NARF: variants seen among roughly 807,000 people sequenced by gnomAD.
NARF encodes the protein nuclear prelamin A recognition factor, also known as iron-only hydrogenase-like protein 2.
Under a neutral mutation model 48.0 loss-of-function variants are expected in NARF, and 41 were observed. The observed-to-expected ratio is 0.85, with a 90% CI of 0.66 to 1.11. The LOEUF (loss-of-function observed/expected upper bound fraction) is 1.11, where lower values mean the gene tolerates loss of function less well. Among genes scored for constraint, NARF ranks in the 50% least tolerant of loss-of-function variants. NARF has a pLI of 0.00. For synonymous variants in NARF, 215 were observed against 225.5 expected (o/e 0.95, Z 0.42); for missense variants, 613 against 590.2 (o/e 1.04, Z -0.40).
intron 3 of NARF, among the ~76,000 whole-genome samples, chr17:82,465,963 C>T (rs889442064): frequency 2.0e-5 from 3 of 152,192 alleles, no homozygotes; most frequent in Non-Finnish European, 2.9e-5. Flanking sequence ...ACGGGAACTC[C>T]GTTAGCAAGC....
At chr17:82,487,195 C>T (rs542462162) in intron 10 of NARF, among the ~76,000 whole-genome samples, 1 of 152,226 alleles carries the variant, frequency 6.6e-6, no homozygotes, top group African/African-American at 2.4e-5. Context: ...GAATGAGAGG[C>T]ACACGGGTCC....
chr17:82,464,643 C>G (rs770989575), intron 3 of NARF, among the ~76,000 whole-genome samples: 1 of 152,222 alleles, frequency 6.6e-6, no homozygotes, highest in Non-Finnish European at 1.5e-5. Flanking sequence ...AATGCTCAGG[C>G]AGTGGTGGGG....
chr17:82,459,672 C>G (rs1347538341), intron 1 of NARF, among the ~76,000 whole-genome samples: 1 of 152,104 alleles, frequency 6.6e-6, no homozygotes, highest in Non-Finnish European at 1.5e-5. Flanking sequence ...CAGTTCAAGA[C>G]CATCGTGGCC....
intron 4 of NARF, among the ~76,000 whole-genome samples, chr17:82,471,661 G>A (rs2143876096): frequency 6.8e-6 from 1 of 147,880 alleles, no homozygotes; most frequent in Non-Finnish European, 1.5e-5. Flanking sequence ...GCGTGGTGGT[G>A]GGCGCCTGTA....
At chr17:82,465,507 A>T (rs1256411261) in intron 3 of NARF, among the ~76,000 whole-genome samples, 2 of 152,172 alleles carry the variant, frequency 1.3e-5, no homozygotes, top group Non-Finnish European at 2.9e-5. Context: ...GGGGACAGCC[A>T]AGGAGCCTTC....
upstream of NARF, chr17:82,458,735 A>G: frequency 2.1e-6 from 3 of 1,457,034 alleles, no homozygotes; most frequent in Non-Finnish European, 1.8e-6. Context: ...GGCGGCGGGC[A>G]GTGGTGTCCC....
chr17:82,470,806 T>C (rs972911590), intron 4 of NARF, among the ~76,000 whole-genome samples: 3 of 152,062 alleles, frequency 2.0e-5, no homozygotes, highest in Non-Finnish European at 4.4e-5. Context: ...ATATTTATTA[T>C]AGCTAGTTGC....
chr17:82,478,440 G>A (rs1371880298), intron 5 of NARF: 3 of 378,342 alleles, frequency 7.9e-6, no homozygotes, highest in Admixed American at 6.2e-5. Flanking sequence ...CTGTAAGGAC[G>A]CTGTAGCTGG....
chr17:82,459,703 C>T (rs1019859159), intron 1 of NARF, among the ~76,000 whole-genome samples: 25 of 152,022 alleles, frequency 1.6e-4, no homozygotes, highest in Non-Finnish European at 3.4e-4. Flanking sequence ...AACCCAGTCT[C>T]TACTAAAAAT....
intron 2 of NARF, 31 bp downstream of exon 2, chr17:82,460,103 CAG>C (rs1429381681): frequency 6.4e-7 from 1 of 1,572,980 alleles, no homozygotes; most frequent in African/African-American, 1.4e-5. Context: ...TGTATCAGCC[CAG>C]AGTAAACTAC....
At chr17:82,478,490 T>G (rs1599844384) in intron 5 of NARF, 1 of 466,428 alleles carries the variant, frequency 2.1e-6, no homozygotes, top group East Asian at 6.1e-5. Context: ...CCGCTGCTCC[T>G]GCTGCCTTTC....
At chr17:82,464,538 C>A in intron 3 of NARF, 108 bp downstream of exon 3, 2 of 1,364,392 alleles carry the variant, frequency 1.5e-6, no homozygotes, top group Non-Finnish European at 2.0e-6. Flanking sequence ...GGATGCACAT[C>A]TCAGCCTTTT....
chr17:82,480,311 A>ACACT (rs1415543000), intron 6 of NARF: 2 of 398,940 alleles, frequency 5.0e-6, no homozygotes, highest in Non-Finnish European at 8.9e-6. Flanking sequence ...ACACACACAC[A>ACACT]CTCACTCAGG....
intron 4 of NARF, among the ~76,000 whole-genome samples, chr17:82,471,345 C>T (rs1357430363): frequency 1.3e-5 from 2 of 149,672 alleles, no homozygotes; most frequent in Non-Finnish European, 3.0e-5. Context: ...GTCCCAGCTA[C>T]TTGGGAGGCC....
At chr17:82,465,088 G>A (rs952471468) in intron 3 of NARF, among the ~76,000 whole-genome samples, 51 of 152,166 alleles carry the variant, frequency 3.4e-4, no homozygotes, top group Non-Finnish European at 2.9e-5. Context: ...CATGGCGGAA[G>A]GGTGAAGGGG....
intron 3 of NARF, among the ~76,000 whole-genome samples, chr17:82,465,434 G>C (rs964994860): frequency 6.6e-6 from 1 of 152,196 alleles, no homozygotes; most frequent in African/African-American, 2.4e-5. Flanking sequence ...ATTCACAGTA[G>C]GTAGTGTGCT....
rs925684631 is a variant in NARF at position 82,489,897 on chromosome 17, G to A, written c.*1740G>A. On this transcript the variant is annotated 3_prime_UTR_variant, in exon 11 of 11. Coordinates refer to ENST00000309794, the MANE Select transcript of NARF (RefSeq NM_012336.4). The stretch of plus-strand genomic sequence containing the variant: ...GGCTGGAGTTCAGTGGCGTGATCTC[G>A]GCTCACAGCAACCTCCGCCTCCTGG... 6.6e-6 allele frequency: 1 copy of A among 151,772 alleles called. No homozygotes were observed. Among genetic ancestry groups the A allele is most frequent in the African/African-American group, 2.4e-5 (1 of 41,230 alleles). 9.4% of individuals were successfully genotyped at this position (151,772 alleles called of 1,614,324 possible).
At chr17:82,475,721 G>GA (rs58508778) in intron 5 of NARF, among the ~76,000 whole-genome samples, 7,919 of 152,284 alleles carry the variant, frequency 0.052, 300 homozygotes, top group South Asian at 0.15. Context: ...TGCCGTCACT[G>GA]AGAAGAGACC....
intron 10 of NARF, among the ~76,000 whole-genome samples, chr17:82,485,859 G>T (rs2044084743): frequency 6.6e-6 from 1 of 152,214 alleles, no homozygotes. Context: ...ACCCCATGTA[G>T]CATGTGGGCA....
Sources: allele counts gnomAD v4.1 joint callset (sites outside exome capture counted in the v4.1 genomes callset), GRCh38; gene constraint gnomAD v4.1.1; transcripts MANE v1.5; gene names NCBI Gene and HGNC (gene_info 2026-07-23, HGNC 2026-07-21).